The following RIC1 variants were observed in gnomAD, a reference collection of about 807,000 sequenced individuals.
RIC1 encodes guanine nucleotide exchange factor subunit RIC1.
RIC1 carries 88 observed loss-of-function variants against 169.0 expected under a neutral mutation model. The ratio of observed to expected loss-of-function variants is 0.52; its 90% CI spans 0.44 to 0.62. The LOEUF (loss-of-function observed/expected upper bound fraction) is 0.62. Ranked by LOEUF, RIC1 falls within the 20% of genes least tolerant of loss-of-function variation. RIC1 has a pLI of 0.00. For missense variants in RIC1, 1,877 were observed against 1,725.5 expected (o/e 1.09, Z -1.56); for synonymous variants, 790 against 601.5 (o/e 1.31, Z -4.59).
chr9:5,762,379 A>G (rs1382721904), intron 17 of RIC1, among the ~76,000 whole-genome samples, 162 bp from the exon 18 acceptor site: 3 of 152,208 alleles, frequency 2.0e-5, no homozygotes, highest in African/African-American at 7.2e-5. Flanking sequence ...CTAGCCAGAA[A>G]GCTCCTTATA....
intron 21 of RIC1, 117 bp from the exon 22 acceptor site, chr9:5,768,853 G>C: frequency 1.8e-6 from 2 of 1,112,620 alleles, no homozygotes; most frequent in Non-Finnish European, 2.5e-6. Flanking sequence ...TTGTCAATCA[G>C]AATTAGATCT....
chr9:5,720,031 A>G lies in RIC1; in HGVS notation c.441-151A>G. The G allele has an allele frequency of 5.4e-6, 3 of 556,370 alleles. No homozygotes were observed. The Middle Eastern group carries it at 1.3e-3, about 241-fold the overall frequency. 34.5% of individuals were successfully genotyped at this position (556,370 alleles called of 1,614,324 possible). A position where few individuals can be genotyped will look rare whatever the true frequency, so the allele number is the denominator to read the frequency against. On this transcript the variant is annotated intron_variant, in intron 4 of 25. Coordinates refer to ENST00000414202, the MANE Select transcript of RIC1 (RefSeq NM_020829.4). ...TCAGGATTTCTGATTCTAGATTGAAATATACATAGATAAAGTTGCAGATAA... is the reference window on the plus strand; with the variant it reads ...TCAGGATTTCTGATTCTAGATTGAAGTATACATAGATAAAGTTGCAGATAA...
intron 3 of RIC1, among the ~76,000 whole-genome samples, chr9:5,703,291 G>T (rs534366252): frequency 6.6e-6 from 1 of 152,300 alleles, no homozygotes; most frequent in Non-Finnish European, 1.5e-5. Context: ...TATAAGCCCC[G>T]TGCAGATCTG....
intron 3 of RIC1, among the ~76,000 whole-genome samples, chr9:5,702,827 G>A (rs1055693577): frequency 3.3e-5 from 5 of 152,150 alleles, no homozygotes; most frequent in African/African-American, 7.2e-5. Context: ...GATTACAGGC[G>A]TGAGCCACTG....
chr9:5,648,846 G>C (rs1281236522), intron 1 of RIC1, among the ~76,000 whole-genome samples: 1 of 152,126 alleles, frequency 6.6e-6, no homozygotes, highest in Non-Finnish European at 1.5e-5. Context: ...ACTTTTTAAT[G>C]GGAATGTTTT....
At chr9:5,736,170 T>C (rs1039756195) in intron 7 of RIC1, among the ~76,000 whole-genome samples, 2 of 152,190 alleles carry the variant, frequency 1.3e-5, no homozygotes, top group Non-Finnish European at 2.9e-5. Flanking sequence ...CAGTTGACAG[T>C]TGTCAGATGC....
Position 5,656,617 on chromosome 9 carries a change from C to T in RIC1, c.179C>T (p.Ala60Val). ...TTAATTGTAACCTACAAGGAGCCTG[C>T]AAAATCATCTACTCAGTTTGGATCC... Reference protein sequence around the residue: ...SVLIVTYKEPAKSSTQFGSYK... With the variant: ...SVLIVTYKEPVKSSTQFGSYK... The change falls in exon 2 of 26, where the codon GCA becomes GTA. Residue 60 changes from alanine (A) to valine (V), a missense_variant. By Grantham distance (64) the Ala-to-Val change is moderately conservative (BLOSUM62 0). Transcript: ENST00000414202. The T allele has an allele frequency of 2.5e-6, 4 of 1,606,474 alleles. No homozygotes were observed. Among genetic ancestry groups the T allele is most frequent in the Non-Finnish European group, 3.4e-6 (4 of 1,175,650 alleles).
In RIC1 at chr9:5,765,499, G is replaced by A. The variant is rs143659237; in HGVS notation, c.2927G>A (p.Arg976Gln). 8.7e-6 allele frequency: 14 copies of A among 1,614,140 alleles called. No individual in the cohort carries two copies. In the East Asian group the frequency reaches 1.1e-4, roughly 13 times the overall value. ...ALEQGKWDLC[R>Q]HMIRFLKAIG... is the part of the protein sequence containing the mutation. ...GAACAAGGCAAGTGGGACCTTTGTC[G>A]ACACATGATTCGATTTCTTAAAGCC... is the stretch of plus-strand genomic sequence containing the variant. Residue 976 changes from arginine (R) to glutamine (Q), a missense_variant, in exon 20 of 26, where the codon CGA becomes CAA. Arg to Gln is a conservative substitution (Grantham distance 43). Coordinates refer to ENST00000414202, the MANE Select transcript of RIC1 (RefSeq NM_020829.4).
intron 2 of RIC1, among the ~76,000 whole-genome samples, chr9:5,673,286 A>G (rs74693623): frequency 0.028 from 4,247 of 152,076 alleles, 214 homozygotes; most frequent in African/African-American, 0.096. Flanking sequence ...AAGAGCCAAT[A>G]AAAATGAAAA....
intron 2 of RIC1, among the ~76,000 whole-genome samples, chr9:5,666,002 T>C (rs1028628751): frequency 1.3e-5 from 2 of 152,064 alleles, no homozygotes; most frequent in East Asian, 1.9e-4. Context: ...TGGTATGGGC[T>C]CTCCAGGACC....
chr9:5,650,986 G>C (rs573330619), intron 1 of RIC1, among the ~76,000 whole-genome samples: 1 of 152,250 alleles, frequency 6.6e-6, no homozygotes, highest in South Asian at 2.1e-4. Context: ...CCTGTTAAGA[G>C]CTGGACTGAA....
intron 1 of RIC1, among the ~76,000 whole-genome samples, chr9:5,630,419 GTTGTGATC>G (rs930604303): frequency 1.3e-5 from 2 of 152,170 alleles, no homozygotes; most frequent in Non-Finnish European, 2.9e-5. Context: ...GTGGGGATAG[GTTGTGATC>G]TTGTCCTTAT....
At chr9:5,632,714 CTG>C (rs1382409749) in intron 1 of RIC1, among the ~76,000 whole-genome samples, 3 of 152,084 alleles carry the variant, frequency 2.0e-5, no homozygotes, top group Non-Finnish European at 4.4e-5. Context: ...GAGGATGAAA[CTG>C]TTGCATAAGG....
At chr9:5,720,550 A>C (rs1423866114) in intron 5 of RIC1, 64 bp from the exon 6 acceptor site, 1 of 1,474,524 alleles carries the variant, frequency 6.8e-7, no homozygotes, top group Non-Finnish European at 9.1e-7. Context: ...TTTTTCTGGC[A>C]AAAAGTGAGA....
At chr9:5,663,150 C>G (rs755448677) in intron 2 of RIC1, among the ~76,000 whole-genome samples, 12 of 152,152 alleles carry the variant, frequency 7.9e-5, no homozygotes, top group Admixed American at 7.2e-4. Flanking sequence ...GAGTGAATTT[C>G]TTAATTCTTC....
In RIC1 at chr9:5,688,897, C is replaced by T. The variant is rs182659718; in HGVS notation, c.253-1062C>T. 1.1e-4 allele frequency among the ~76,000 whole-genome samples: 17 copies of T among 151,986 alleles called. No homozygotes were observed. In the East Asian group the frequency reaches 1.7e-3, roughly 16 times the overall value. On this transcript the variant is annotated intron_variant, in intron 2 of 25. Transcript: ENST00000414202. ...AACACTGCCACTTCACTCTGTTAGGCGTAAAAATGTTTGGCTGGAAACAGC... is the reference window on the plus strand; with the variant it reads ...AACACTGCCACTTCACTCTGTTAGGTGTAAAAATGTTTGGCTGGAAACAGC...
chr9:5,665,761 T>A (rs975102997), intron 2 of RIC1, among the ~76,000 whole-genome samples: 78 of 152,248 alleles, frequency 5.1e-4, no homozygotes, highest in African/African-American at 1.8e-3. Context: ...CCTGGAGGTA[T>A]CACCAGGGAG....
chr9:5,701,233 C>G (rs543766163), intron 3 of RIC1, among the ~76,000 whole-genome samples: 1 of 152,230 alleles, frequency 6.6e-6, no homozygotes, highest in South Asian at 2.1e-4. Context: ...CATAGCACTC[C>G]TGATGGAGAT....
chr9:5,677,973 A>G (rs1049540688), intron 2 of RIC1, among the ~76,000 whole-genome samples: 3 of 151,928 alleles, frequency 2.0e-5, no homozygotes, highest in African/African-American at 4.8e-5. Flanking sequence ...CATTAGGTAT[A>G]TCTCCTAATG....
Sources: allele counts gnomAD v4.1 joint callset (sites outside exome capture counted in the v4.1 genomes callset), GRCh38; gene constraint gnomAD v4.1.1; transcripts MANE v1.5; gene names NCBI Gene and HGNC (gene_info 2026-07-23, HGNC 2026-07-21).